ZNF423: variants seen among roughly 807,000 people sequenced by gnomAD.
The protein encoded by ZNF423 is Ebf-associated zinc finger protein.
A neutral mutation model predicts 95.8 loss-of-function variants in ZNF423; 12 were observed. That is an observed-to-expected ratio of 0.13 (90% confidence interval 0.08 to 0.20). The LOEUF (loss-of-function observed/expected upper bound fraction) is 0.20, where lower values mean the gene tolerates loss of function less well. ZNF423 is among the 10% of genes least tolerant of loss of function. The pLI, the probability that ZNF423 is intolerant of heterozygous loss-of-function variation, is 1.00. For synonymous variants in ZNF423, 749 were observed against 711.9 expected (o/e 1.05, Z -0.83); for missense variants, 1,316 against 1,737.1 (o/e 0.76, Z 4.31).
intron 3 of ZNF423, among the ~76,000 whole-genome samples, chr16:49,730,085 C>G (rs1306940577): frequency 6.6e-6 from 1 of 152,142 alleles, no homozygotes; most frequent in Non-Finnish European, 1.5e-5. Flanking sequence ...TTCCACATCC[C>G]AGGGAATGCA....
At chr16:49,700,654 A>C (rs1358441145) in intron 3 of ZNF423, among the ~76,000 whole-genome samples, 1 of 152,164 alleles carries the variant, frequency 6.6e-6, no homozygotes, top group Non-Finnish European at 1.5e-5. Context: ...CCAAATCACA[A>C]ACCTTGAATC....
At chr16:49,826,697 AC>A in intron 1 of ZNF423, 1 of 152,348 alleles carries the variant, frequency 6.6e-6, no homozygotes, top group South Asian at 2.1e-4. Flanking sequence ...AATGTTTTCT[AC>A]ACAGAACTAT....
chr16:49,634,108 G>A (rs1307990521), intron 4 of ZNF423, among the ~76,000 whole-genome samples: 4 of 151,172 alleles, frequency 2.6e-5, no homozygotes, highest in African/African-American at 7.3e-5. Flanking sequence ...GGGTTTCACC[G>A]TGTTGGCCAG....
Position 49,683,506 on chromosome 16 carries a change from CAG to C in ZNF423, c.302-44634_302-44633del, listed in dbSNP as rs1209842339. ...CAGAGGACAAAGGACCAAGTTCACTCAGAGCCGCTTAGTGGTAACCCAGGGCT... is the reference window on the plus strand; with the variant it reads ...CAGAGGACAAAGGACCAAGTTCACTCAGCCGCTTAGTGGTAACCCAGGGCT... On this transcript the variant is annotated intron_variant, in intron 3 of 7. Coordinates refer to ENST00000563137, the MANE Select transcript of ZNF423 (RefSeq NM_001379286.1). Among the ~76,000 whole-genome samples, 8 of 152,182 alleles carry C rather than the reference CAG, an allele frequency of 5.3e-5. No homozygotes were observed. In the East Asian group the frequency reaches 1.5e-3, roughly 29 times the overall value.
intron 1 of ZNF423, among the ~76,000 whole-genome samples, chr16:49,846,195 G>A (rs1036564465): frequency 2.0e-5 from 3 of 151,966 alleles, no homozygotes; most frequent in South Asian, 2.1e-4. Context: ...CCAGCTACTC[G>A]GGAGGCTGAG....
chr16:49,528,104 C>G (rs1440423819), intron 5 of ZNF423, among the ~76,000 whole-genome samples: 1 of 152,170 alleles, frequency 6.6e-6, no homozygotes, highest in African/African-American at 2.4e-5. Context: ...GGGGCTGAGA[C>G]GGCAAACAGG....
intron 6 of ZNF423, among the ~76,000 whole-genome samples, chr16:49,524,320 C>T (rs1291990476): frequency 6.6e-6 from 1 of 152,214 alleles, no homozygotes; most frequent in Non-Finnish European, 1.5e-5. Flanking sequence ...GTTGCTCAAC[C>T]AACACAAATT....
chr16:49,704,113 A>G (rs1026490779), intron 3 of ZNF423, among the ~76,000 whole-genome samples: 1 of 152,156 alleles, frequency 6.6e-6, no homozygotes, highest in African/African-American at 2.4e-5. Context: ...CCCGGGTCTC[A>G]GGGATCCACT....
chr16:49,501,550 A>G (rs999130989), intron 7 of ZNF423, among the ~76,000 whole-genome samples: 1 of 152,184 alleles, frequency 6.6e-6, no homozygotes, highest in African/African-American at 2.4e-5. Flanking sequence ...GAAAATAAGC[A>G]TTCCACCAAA....
intron 5 of ZNF423, among the ~76,000 whole-genome samples, chr16:49,612,409 T>TA (rs35731470): frequency 0.025 from 3,264 of 128,936 alleles, 103 homozygotes; most frequent in African/African-American, 0.081. Flanking sequence ...ATAGGTACAG[T>TA]AAAAAAAAAA....
intron 3 of ZNF423, among the ~76,000 whole-genome samples, chr16:49,724,268 C>T (rs749645215): frequency 2.6e-5 from 4 of 152,176 alleles, no homozygotes; most frequent in Non-Finnish European, 5.9e-5. Context: ...TTGTGGCTGA[C>T]ATAACGGGAC....
intron 1 of ZNF423, among the ~76,000 whole-genome samples, chr16:49,815,877 AAAAAATATATATATATATATATAT>A (rs1567356106): frequency 1.2e-4 from 8 of 64,090 alleles, no homozygotes; most frequent in South Asian, 5.8e-4. Flanking sequence ...AAACAAAAAA[AAAAAATATATATATATATATATAT>A]ATATATATAT....
chr16:49,589,604 G>A (rs904514219), intron 5 of ZNF423, among the ~76,000 whole-genome samples: 1 of 152,122 alleles, frequency 6.6e-6, no homozygotes, highest in Non-Finnish European at 1.5e-5. Flanking sequence ...CAGCGAGAGG[G>A]AGAAGGGGAG....
intron 2 of ZNF423, among the ~76,000 whole-genome samples, chr16:49,737,970 A>G (rs1239745288): frequency 6.6e-6 from 1 of 152,186 alleles, no homozygotes; most frequent in Non-Finnish European, 1.5e-5. Flanking sequence ...CTGGGGCCAC[A>G]TGGCTGAGTA....
rs1332125229 is a variant in ZNF423, at chr16:49,735,754, C to T, written c.101-4783G>A. Among the ~76,000 whole-genome samples the T allele has an allele frequency of 3.3e-5, 5 of 152,302 alleles. No homozygotes were observed. The East Asian group carries it at 9.7e-4, about 29-fold the overall frequency. On this transcript the variant is annotated intron_variant, in intron 2 of 7. Transcript: ENST00000563137. ...AGGGGCTCCAGTCAACAGCTCCCAG[C>T]TTCCAGCACCGACTTCAGCCATGGG...
chr16:49,565,563 C>T (rs1046954567), intron 5 of ZNF423, among the ~76,000 whole-genome samples: 2 of 152,260 alleles, frequency 1.3e-5, no homozygotes, highest in Admixed American at 6.5e-5. Flanking sequence ...TGTGGAAGCC[C>T]TCCCACGTGC....
chr16:49,637,273 T>A lies in ZNF423; in HGVS notation c.1903A>T (p.Ile635Phe). The change falls in exon 4 of 8, where the codon ATC becomes TTC. Residue 635 changes from isoleucine (I) to phenylalanine (F), a missense_variant. Ile to Phe is a conservative substitution (Grantham distance 21). Transcript: ENST00000563137. This position sits in a 1 kb window ranked among gnomAD's most constrained non-coding sequence, Gnocchi z 5.6. ...RQRLSASANS[I>F]SNGEYPCNQC... ...TTGCAAGGATACTCCCCATTGGAGA[T>A]GGAGTTGGCGCTTGCTGAGAGCCGC... is the stretch of plus-strand genomic sequence containing the variant. 1.2e-6 allele frequency: 2 copies of A among 1,614,182 alleles called. No individual in the cohort carries two copies. Among genetic ancestry groups the A allele is most frequent in the Non-Finnish European group, 1.7e-6 (2 of 1,180,038 alleles).
At chr16:49,494,462 G>A (rs761041821) in intron 7 of ZNF423, among the ~76,000 whole-genome samples, 4 of 152,228 alleles carry the variant, frequency 2.6e-5, no homozygotes, top group South Asian at 4.1e-4. Flanking sequence ...GGCACAGTGA[G>A]GGGGAGGGGA....
chr16:49,505,096 T>C (rs186829939), intron 7 of ZNF423, among the ~76,000 whole-genome samples: 2 of 152,356 alleles, frequency 1.3e-5, no homozygotes, highest in Non-Finnish European at 2.9e-5. Context: ...TTTCTGACTC[T>C]GCAAGCCTTT....
Sources: allele counts gnomAD v4.1 joint callset (sites outside exome capture counted in the v4.1 genomes callset), GRCh38; gene constraint gnomAD v4.1.1; non-coding constraint Gnocchi (gnomAD v3.1); transcripts MANE v1.5; gene names NCBI Gene and HGNC (gene_info 2026-07-23, HGNC 2026-07-21).